The following INTS7 variants were observed in gnomAD, a reference collection of about 807,000 sequenced individuals.
INTS7 encodes the protein integrator complex subunit 7, also known as chromosome 1 open reading frame 73.
INTS7 carries 46 observed loss-of-function variants against 109.2 expected under a neutral mutation model. The observed-to-expected ratio is 0.42, with a 90% CI of 0.33 to 0.54. INTS7 has a LOEUF of 0.54. INTS7 is among the 20% of genes least tolerant of loss of function. The probability of loss-of-function intolerance (pLI) is 0.07; values close to 1 mark genes in which losing one functional copy is unlikely to be tolerated. For synonymous variants in INTS7, 412 were observed against 402.9 expected (o/e 1.02, Z -0.27); for missense variants, 929 against 1,132.4 (o/e 0.82, Z 2.58).
rs1662698067 is a variant in INTS7 at position 211,942,926 on chromosome 1, T to C, written c.2602-815A>G. The stretch of plus-strand genomic sequence containing the variant: ...CCAAATTACTCTAGGTTTATGTGCG[T>C]GTTTCTGTGGTGTAATTAATTATAT... On this transcript the variant is annotated intron_variant, in intron 19 of 19. Transcript: ENST00000366994. This position sits in a 1 kb window ranked among gnomAD's most constrained non-coding sequence, Gnocchi z 4.2. 6.6e-6 allele frequency among the ~76,000 whole-genome samples: 1 copy of C among 152,168 alleles called. No individual in the cohort carries two copies. Among genetic ancestry groups the C allele is most frequent in the African/African-American group, 2.4e-5 (1 of 41,458 alleles).
chr1:211,954,164 T>C (rs1183514396), intron 16 of INTS7, among the ~76,000 whole-genome samples: 1 of 152,386 alleles, frequency 6.6e-6, no homozygotes, highest in Middle Eastern at 3.4e-3. Flanking sequence ...TGGTGAGCAT[T>C]TTTTCATGTG....
chr1:212,010,797 T>C lies in INTS7; in HGVS notation c.556+578A>G, dbSNP rs1666134585. Among the ~76,000 whole-genome samples, 5 of 152,334 alleles carry C rather than the reference T, an allele frequency of 3.3e-5. No individual in the cohort carries two copies. The South Asian group carries it at 1.0e-3, about 32-fold the overall frequency. ...GAACAATAGGCTATACCATACAGCC[T>C]AAGTGTACAGTTGGCTATACCATTT... On this transcript the variant is annotated intron_variant, in intron 5 of 19. Coordinates refer to ENST00000366994, the MANE Select transcript of INTS7 (RefSeq NM_015434.4).
At chr1:212,015,675 TC>T (rs1461984242) in intron 4 of INTS7, among the ~76,000 whole-genome samples, 3 of 111,116 alleles carry the variant, frequency 2.7e-5, no homozygotes, top group Non-Finnish European at 5.0e-5. Flanking sequence ...CAAATCCCTC[TC>T]TCCGAGAAAC....
At chr1:212,010,555 T>G (rs1460339422) in intron 5 of INTS7, among the ~76,000 whole-genome samples, 1 of 152,134 alleles carries the variant, frequency 6.6e-6, no homozygotes, top group Non-Finnish European at 1.5e-5. Flanking sequence ...ATGCCCCCCA[T>G]AAGTATGCTT....
intron 18 of INTS7, among the ~76,000 whole-genome samples, chr1:211,945,918 G>A (rs989532769): frequency 6.6e-4 from 101 of 152,316 alleles, no homozygotes; most frequent in African/African-American, 2.3e-3. Flanking sequence ...AGAAGAACTG[G>A]TGACAGTTTA....
Position 211,946,801 on chromosome 1 carries a change from A to T in INTS7, c.2317-96T>A. The T allele has an allele frequency of 1.3e-6, 1 of 751,464 alleles. No individual in the cohort carries two copies. Among genetic ancestry groups the T allele is most frequent in the East Asian group, 2.7e-5 (1 of 36,382 alleles). 46.5% of individuals were successfully genotyped at this position (751,464 alleles called of 1,614,324 possible). A position where few individuals can be genotyped will look rare whatever the true frequency, so the allele number is the denominator to read the frequency against. On this transcript the variant is annotated intron_variant, in intron 17 of 19. Transcript: ENST00000366994. This position sits in a 1 kb window ranked among gnomAD's most constrained non-coding sequence, Gnocchi z 4.3. The stretch of plus-strand genomic sequence containing the variant: ...TATAAAACTACAAATGCCCATATAG[A>T]TTATTACAAAGGTACATACCAATCA...
rs1663526942 is a variant in INTS7, at chr1:211,959,646, C to T, written c.2183+6784G>A. Among the ~76,000 whole-genome samples, 1 of 152,128 alleles carries T rather than the reference C, an allele frequency of 6.6e-6. No individual in the cohort carries two copies. Reference sequence around the variant, plus strand: ...GCTGGTGCATTCTGCCCCCATTACCCCCGCATTACCGCCATTGCATTTGGA... The same window carrying T: ...GCTGGTGCATTCTGCCCCCATTACCTCCGCATTACCGCCATTGCATTTGGA... On this transcript the variant is annotated intron_variant, in intron 16 of 19. Transcript: ENST00000366994. The surrounding 1 kb of genome is among the most constrained non-coding windows in gnomAD (Gnocchi z 4.2).
intron 9 of INTS7, among the ~76,000 whole-genome samples, 168 bp downstream of exon 9, chr1:211,982,508 A>C (rs1458036374): frequency 6.6e-6 from 1 of 152,176 alleles, no homozygotes; most frequent in Non-Finnish European, 1.5e-5. Flanking sequence ...ATTTTTCACA[A>C]GGATAAAGTA....
In INTS7 at chr1:211,982,676, C is replaced by A; in HGVS notation, c.1132G>T (p.Asp378Tyr). 1 of 1,599,766 alleles carries A rather than the reference C, an allele frequency of 6.3e-7. No homozygotes were observed. The highest frequency in any genetic ancestry group is 2.3e-5 in the East Asian group (1 of 44,372). The change falls in exon 9 of 20, where the codon GAT (aspartate) becomes TAT (tyrosine). Residue 378 changes from aspartate to tyrosine, a missense_variant and splice_region_variant. Transcript: ENST00000366994. ...TNITVSCQEK[D>Y]LLALEQDAVF... Reference sequence around the variant, plus strand: ...TAATATCAGTCCTGATCAAACTTACCCTTTTCTTGACAAGAAACAGTTATA... The same window carrying A: ...TAATATCAGTCCTGATCAAACTTACACTTTTCTTGACAAGAAACAGTTATA...
chr1:211,999,971 G>A (rs1665587570), intron 7 of INTS7, among the ~76,000 whole-genome samples: 1 of 152,112 alleles, frequency 6.6e-6, no homozygotes, highest in African/African-American at 2.4e-5. Flanking sequence ...CAAGCAGGGT[G>A]GCTCATGCCT....
At chr1:212,023,412 T>A (rs1558059234) in intron 1 of INTS7, among the ~76,000 whole-genome samples, 2 of 152,176 alleles carry the variant, frequency 1.3e-5, no homozygotes, top group Non-Finnish European at 2.9e-5. Flanking sequence ...TCACAGCATG[T>A]TATTTTTTGA....
intron 7 of INTS7, among the ~76,000 whole-genome samples, chr1:211,996,214 G>T (rs1266317496): frequency 2.0e-5 from 3 of 152,146 alleles, no homozygotes; most frequent in Non-Finnish European, 4.4e-5. Flanking sequence ...TTGAGATTGG[G>T]AGTTCAAGAC....
At chr1:212,025,537 T>C (rs114261254) in intron 1 of INTS7, 8,768 of 153,390 alleles carry the variant, frequency 0.057, 283 homozygotes, top group Non-Finnish European at 0.074. Context: ...TTCTAAAAAA[T>C]GCATTAAGAA....
At chr1:211,980,783 C>A (rs1360546303) in intron 10 of INTS7, among the ~76,000 whole-genome samples, 2 of 152,146 alleles carry the variant, frequency 1.3e-5, no homozygotes, top group African/African-American at 2.4e-5. Context: ...AAGATGATTT[C>A]TGTAACTAAG....
intron 7 of INTS7, among the ~76,000 whole-genome samples, chr1:212,005,628 T>C (rs3009992): frequency 0.029 from 4,470 of 152,300 alleles, 77 homozygotes; most frequent in South Asian, 0.047. Flanking sequence ...TGGTTCTTTG[T>C]ACAAATTCTC....
At chr1:211,991,521 C>A (rs1286856474) in intron 7 of INTS7, among the ~76,000 whole-genome samples, 1 of 152,236 alleles carries the variant, frequency 6.6e-6, no homozygotes, top group Non-Finnish European at 1.5e-5. Context: ...AGTCATTATA[C>A]ATCCTTTTGT....
At chr1:211,996,478 C>T (rs1665396724) in intron 7 of INTS7, among the ~76,000 whole-genome samples, 1 of 151,836 alleles carries the variant, frequency 6.6e-6, no homozygotes, top group Non-Finnish European at 1.5e-5. Flanking sequence ...GAACTGTTTA[C>T]AAAAAGTGAT....
chr1:212,031,226 C>T (rs1013725397), intron 1 of INTS7, among the ~76,000 whole-genome samples: 1 of 152,240 alleles, frequency 6.6e-6, no homozygotes. Context: ...TAAGAGACTC[C>T]TCTTTTCCCA....
Position 212,009,357 on chromosome 1 carries a change from T to C in INTS7, c.557-1908A>G, listed in dbSNP as rs1439401614. ...TATAACTGTCATCAGATACACAGAA[T>C]ACTCCAGCATCCTAGAAGGCTCACC... On this transcript the variant is annotated intron_variant, in intron 5 of 19. Transcript: ENST00000366994. Among the ~76,000 whole-genome samples, 3 of 152,216 alleles carry C rather than the reference T, an allele frequency of 2.0e-5. No homozygotes were observed. The East Asian group carries it at 5.8e-4, about 29-fold the overall frequency.
Sources: allele counts gnomAD v4.1 joint callset (sites outside exome capture counted in the v4.1 genomes callset), GRCh38; gene constraint gnomAD v4.1.1; non-coding constraint Gnocchi (gnomAD v3.1); transcripts MANE v1.5; gene names NCBI Gene and HGNC (gene_info 2026-07-23, HGNC 2026-07-21).